The following SIPA1L2 variants were observed in gnomAD, a reference collection of about 807,000 sequenced individuals.
SIPA1L2 encodes signal-induced proliferation-associated 1-like protein 2.
A neutral mutation model predicts 163.9 loss-of-function variants in SIPA1L2; 56 were observed. The ratio of observed to expected loss-of-function variants is 0.34; its 90% CI spans 0.28 to 0.43. SIPA1L2 has a LOEUF of 0.43. Ranked by LOEUF, SIPA1L2 falls within the 20% of genes least tolerant of loss-of-function variation. The probability of loss-of-function intolerance (pLI) is 1.00; values close to 1 mark genes in which losing one functional copy is unlikely to be tolerated. For synonymous variants in SIPA1L2, 877 were observed against 865.7 expected (o/e 1.01, Z -0.23); for missense variants, 1,974 against 2,193.5 (o/e 0.90, Z 2.00).
At chr1:232,498,745 T>A (rs1476360193) in intron 3 of SIPA1L2, among the ~76,000 whole-genome samples, 1 of 152,170 alleles carries the variant, frequency 6.6e-6, no homozygotes, top group African/African-American at 2.4e-5. Flanking sequence ...TTCCTCCTTA[T>A]AAGGACACCT....
At chr1:232,459,080 T>A (rs1046409281) in intron 10 of SIPA1L2, among the ~76,000 whole-genome samples, 3 of 152,210 alleles carry the variant, frequency 2.0e-5, no homozygotes, top group Non-Finnish European at 4.4e-5. Context: ...AATGCTAAGA[T>A]AACTAATAGA....
intron 9 of SIPA1L2, chr1:232,462,084 A>T: frequency 1.2e-6 from 1 of 841,716 alleles, no homozygotes; most frequent in Non-Finnish European, 2.0e-6. Context: ...CTCAAGAGTG[A>T]GAGAGAGTCA....
chr1:232,619,758 T>G (rs1187650674), intron 1 of SIPA1L2, among the ~76,000 whole-genome samples: 3 of 152,206 alleles, frequency 2.0e-5, no homozygotes, highest in Non-Finnish European at 2.9e-5. Flanking sequence ...CCCACATCCT[T>G]ATTTTAAAAT....
chr1:232,416,289 A>G (rs987113844), intron 18 of SIPA1L2, among the ~76,000 whole-genome samples: 2 of 152,234 alleles, frequency 1.3e-5, no homozygotes, highest in African/African-American at 2.4e-5. Context: ...ATGAGGCTGC[A>G]GTTGCCCAAA....
chr1:232,514,791 G>A lies in SIPA1L2; in HGVS notation c.549C>T (p.Asn183=). The change falls in exon 3 of 23, where the codon AAC becomes AAT. Residue 183 remains asparagine (N), a synonymous_variant. Coordinates refer to ENST00000674635, the MANE Select transcript of SIPA1L2 (RefSeq NM_020808.5). ...DVLDQNAVNP[N]TGAALHREYG... The stretch of plus-strand genomic sequence containing the variant: ...ACTCCCTGTGCAGGGCAGCCCCGGT[G>A]TTGGGGTTGACTGCATTTTGGTCTA... 2 of 1,614,226 alleles carry A rather than the reference G, an allele frequency of 1.2e-6. No homozygotes were observed. Among genetic ancestry groups the A allele is most frequent in the Non-Finnish European group, 1.7e-6 (2 of 1,180,036 alleles).
chr1:232,546,375 G>A (rs789645), intron 2 of SIPA1L2, among the ~76,000 whole-genome samples: 140,404 of 152,214 alleles, frequency 0.92, 65,326 homozygotes, highest in African/African-American at 0.99. Flanking sequence ...TACTTTCACA[G>A]AAGGGATTTA....
intron 3 of SIPA1L2, among the ~76,000 whole-genome samples, chr1:232,500,225 A>G (rs566854603): frequency 1.3e-5 from 2 of 152,376 alleles, no homozygotes; most frequent in African/African-American, 4.8e-5. Flanking sequence ...ACAGAAATAT[A>G]TAAGGAGATT....
intron 2 of SIPA1L2, among the ~76,000 whole-genome samples, chr1:232,549,353 C>A (rs1210149246): frequency 6.6e-6 from 1 of 152,212 alleles, no homozygotes; most frequent in Non-Finnish European, 1.5e-5. Context: ...TTTCAACCTG[C>A]CTGTCACTCT....
At chr1:232,418,162 A>G (rs1476415575) in intron 18 of SIPA1L2, among the ~76,000 whole-genome samples, 1 of 152,158 alleles carries the variant, frequency 6.6e-6, no homozygotes, top group African/African-American at 2.4e-5. Context: ...TTTTCCCCCT[A>G]AGACCACTAT....
chr1:232,549,251 T>A (rs898867409), intron 2 of SIPA1L2, among the ~76,000 whole-genome samples: 22 of 152,272 alleles, frequency 1.4e-4, no homozygotes, highest in Admixed American at 1.3e-3. Context: ...GCACCCTCCT[T>A]TTAGCTGACA....
At chr1:232,485,658 T>G (rs1358436158) in intron 5 of SIPA1L2, among the ~76,000 whole-genome samples, 2 of 152,312 alleles carry the variant, frequency 1.3e-5, no homozygotes, top group East Asian at 3.9e-4. Context: ...TCACCAATTA[T>G]TACACAGATG....
chr1:232,494,858 A>G (rs1666099739), intron 3 of SIPA1L2, among the ~76,000 whole-genome samples: 1 of 152,174 alleles, frequency 6.6e-6, no homozygotes, highest in Non-Finnish European at 1.5e-5. Context: ...TTTATTTCTT[A>G]ATGAACTGCT....
At chr1:232,629,366 G>A (rs752390098) in intron 1 of SIPA1L2, among the ~76,000 whole-genome samples, 1 of 152,218 alleles carries the variant, frequency 6.6e-6, no homozygotes, top group African/African-American at 2.4e-5. Context: ...AAGAGCGCTC[G>A]CCGGAGGCTC....
At chr1:232,469,343 T>C (rs1164425864) in intron 8 of SIPA1L2, among the ~76,000 whole-genome samples, 5 of 152,208 alleles carry the variant, frequency 3.3e-5, no homozygotes, top group Non-Finnish European at 7.3e-5. Context: ...TATTTCTCCA[T>C]TGGAATATTT....
intron 1 of SIPA1L2, among the ~76,000 whole-genome samples, chr1:232,608,047 C>CAAAAACAAAAAAAAAA (rs1662039371): frequency 3.0e-5 from 2 of 67,496 alleles, no homozygotes; most frequent in African/African-American, 1.4e-4. Context: ...AACTCCATCT[C>CAAAAACAAAAAAAAAA]AAAAAAAAAA....
chr1:232,607,191 C>T (rs938200551), intron 1 of SIPA1L2, among the ~76,000 whole-genome samples: 2 of 136,114 alleles, frequency 1.5e-5, no homozygotes, highest in African/African-American at 5.0e-5. Flanking sequence ...TTACACATAA[C>T]ACAACCACAA....
rs1440022387 is a variant in SIPA1L2 at position 232,515,436 on chromosome 1, G to A, written c.-97C>T. On this transcript the variant is annotated 5_prime_UTR_variant, in exon 3 of 23. Transcript: ENST00000674635. Reference sequence around the variant, plus strand: ...CGCCATAATACTTGCAGATATAAAGGCTTTGTCTGTAGTTGTATTTTTTCT... The same window carrying A: ...CGCCATAATACTTGCAGATATAAAGACTTTGTCTGTAGTTGTATTTTTTCT... The A allele has an allele frequency of 3.1e-6, 4 of 1,294,724 alleles. No individual in the cohort carries two copies. The African/African-American group carries it at 5.9e-5, about 19-fold the overall frequency. The allele number at this position is 1,294,724 out of a possible 1,614,324, so 80.2% of individuals were successfully genotyped here.
chr1:232,433,072 CT>C (rs912474852), intron 15 of SIPA1L2, among the ~76,000 whole-genome samples: 1 of 152,194 alleles, frequency 6.6e-6, no homozygotes, highest in Non-Finnish European at 1.5e-5. Flanking sequence ...CAGCAAACCC[CT>C]GCTGCACGTG....
At chr1:232,625,471 T>A (rs1024802995) in intron 1 of SIPA1L2, among the ~76,000 whole-genome samples, 2 of 152,146 alleles carry the variant, frequency 1.3e-5, no homozygotes, top group Non-Finnish European at 2.9e-5. Context: ...TGCAATGACA[T>A]CAGCGCAAGA....
Sources: allele counts gnomAD v4.1 joint callset (sites outside exome capture counted in the v4.1 genomes callset), GRCh38; gene constraint gnomAD v4.1.1; transcripts MANE v1.5; gene names NCBI Gene and HGNC (gene_info 2026-07-23, HGNC 2026-07-21).